Variants in STAG1 observed in about 807,000 individuals in gnomAD.
STAG1 encodes the protein STAG1 cohesin complex component.
STAG1 carries 26 observed loss-of-function variants against 170.9 expected under a neutral mutation model. The ratio of observed to expected loss-of-function variants is 0.15; its 90% CI spans 0.11 to 0.21. The LOEUF (loss-of-function observed/expected upper bound fraction) is 0.21, where lower values mean the gene tolerates loss of function less well. Ranked by LOEUF, STAG1 falls within the 10% of genes least tolerant of loss-of-function variation. STAG1 has a pLI of 1.00. For missense variants in STAG1, 964 were observed against 1,509.5 expected (o/e 0.64, Z 5.99); for synonymous variants, 514 against 497.7 (o/e 1.03, Z -0.44).
chr3:136,486,885 A>G (rs1013027397), intron 9 of STAG1, among the ~76,000 whole-genome samples: 29 of 151,380 alleles, frequency 1.9e-4, no homozygotes, highest in Non-Finnish European at 3.7e-4. Context: ...ACCCATATCT[A>G]CATCTATGCC....
chr3:136,685,605 T>C (rs755120965), intron 1 of STAG1, among the ~76,000 whole-genome samples: 2 of 152,178 alleles, frequency 1.3e-5, no homozygotes, highest in Non-Finnish European at 2.9e-5. Flanking sequence ...TAAACTGTGC[T>C]AAAAGAAATG....
intron 1 of STAG1, among the ~76,000 whole-genome samples, chr3:136,743,034 G>GA (rs1934753578): frequency 1.3e-5 from 2 of 152,064 alleles, no homozygotes; most frequent in Admixed American, 6.5e-5. Context: ...TTGGTTATTT[G>GA]AAAAAATAAC....
chr3:136,613,330 A>AAAAAAAAAAAAAAAAAAAC (rs1939406898), intron 3 of STAG1, among the ~76,000 whole-genome samples: 1 of 150,790 alleles, frequency 6.6e-6, no homozygotes, highest in Non-Finnish European at 1.5e-5. Context: ...AAAAAAAAAA[A>AAAAAAAAAAAAAAAAAAAC]AAAAAGAAAT....
intron 2 of STAG1, among the ~76,000 whole-genome samples, chr3:136,625,324 T>C (rs557043981): frequency 6.6e-6 from 1 of 152,350 alleles, no homozygotes; most frequent in East Asian, 1.9e-4. Context: ...GGAGATTTCA[T>C]CCAGTTAATG....
In STAG1 at chr3:136,630,858, T is replaced by C. The variant is rs200142104; in HGVS notation, c.29+12A>G. On this transcript the variant is annotated intron_variant, in intron 2 of 33. Transcript: ENST00000383202. ...TTAAAAAATATAAAAAAAAGAAAATTACAATACTTACTGTAACACTGGTAA... is the reference window on the plus strand; with the variant it reads ...TTAAAAAATATAAAAAAAAGAAAATCACAATACTTACTGTAACACTGGTAA... 13 of 1,537,154 alleles carry C rather than the reference T, an allele frequency of 8.5e-6. No homozygotes were observed. In the East Asian group the frequency reaches 2.4e-4, roughly 29 times the overall value.
At chr3:136,574,447 T>A (rs1448931980) in intron 4 of STAG1, among the ~76,000 whole-genome samples, 1 of 152,090 alleles carries the variant, frequency 6.6e-6, no homozygotes, top group East Asian at 1.9e-4. Context: ...ATGGTGTATG[T>A]GTGTATATAC....
intron 13 of STAG1, among the ~76,000 whole-genome samples, chr3:136,454,855 A>G (rs1283609868): frequency 6.6e-6 from 1 of 152,220 alleles, no homozygotes; most frequent in Non-Finnish European, 1.5e-5. Flanking sequence ...TGACTAGACT[A>G]CAAGACACTA....
chr3:136,593,725 G>T (rs990815482), intron 4 of STAG1, among the ~76,000 whole-genome samples: 1 of 152,104 alleles, frequency 6.6e-6, no homozygotes, highest in Non-Finnish European at 1.5e-5. Flanking sequence ...TAAATGTTTA[G>T]AATATTATAT....
At chr3:136,545,343 C>T (rs796709372) in intron 5 of STAG1, among the ~76,000 whole-genome samples, 72 of 152,290 alleles carry the variant, frequency 4.7e-4, no homozygotes, top group African/African-American at 1.6e-3. Flanking sequence ...GCTGGGATTA[C>T]AGGCGTGAGC....
chr3:136,637,321 G>A (rs77216396), intron 1 of STAG1, among the ~76,000 whole-genome samples: 1,665 of 152,176 alleles, frequency 0.011, 27 homozygotes, highest in East Asian at 0.046. Context: ...TAAATAAGTA[G>A]GAAACATTAA....
At chr3:136,563,696 A>G (rs1466352386) in intron 5 of STAG1, among the ~76,000 whole-genome samples, 1 of 151,182 alleles carries the variant, frequency 6.6e-6, no homozygotes, top group Non-Finnish European at 1.5e-5. Context: ...TGTAGATATT[A>G]TTCTGCAATT....
At chr3:136,454,207 T>C (rs757202635) in intron 13 of STAG1, among the ~76,000 whole-genome samples, 4 of 152,044 alleles carry the variant, frequency 2.6e-5, no homozygotes, top group Non-Finnish European at 4.4e-5. Context: ...GCCTCCCAAG[T>C]TGCTGGGATT....
At chr3:136,484,251 G>A (rs182233391) in intron 9 of STAG1, among the ~76,000 whole-genome samples, 2 of 152,018 alleles carry the variant, frequency 1.3e-5, no homozygotes, top group African/African-American at 4.8e-5. Flanking sequence ...GTACAGATGG[G>A]TTTTCTGTTA....
At chr3:136,405,443 T>C (rs766138664) in intron 21 of STAG1, among the ~76,000 whole-genome samples, 1 of 151,810 alleles carries the variant, frequency 6.6e-6, no homozygotes, top group Non-Finnish European at 1.5e-5. Context: ...GGTTTCACCA[T>C]GTTGGCCAGG....
At chr3:136,345,986 C>T (rs1936207211) in intron 29 of STAG1, among the ~76,000 whole-genome samples, 2 of 152,198 alleles carry the variant, frequency 1.3e-5, no homozygotes, top group Admixed American at 1.3e-4. Flanking sequence ...AACTTTTATT[C>T]TCTACCACAC....
chr3:136,418,889 C>A (rs1007119925), intron 20 of STAG1, among the ~76,000 whole-genome samples: 2 of 152,082 alleles, frequency 1.3e-5, no homozygotes, highest in African/African-American at 2.4e-5. Context: ...GATCCACCCG[C>A]CATGGTGTCC....
chr3:136,714,227 T>C (rs1326908804), intron 1 of STAG1, among the ~76,000 whole-genome samples: 1 of 152,008 alleles, frequency 6.6e-6, no homozygotes, highest in African/African-American at 2.4e-5. Context: ...ATTTCATCTA[T>C]GTGAAGCTCA....
At chr3:136,368,839 A>C (rs1937182378) in intron 24 of STAG1, among the ~76,000 whole-genome samples, 1 of 152,000 alleles carries the variant, frequency 6.6e-6, no homozygotes, top group East Asian at 1.9e-4. Context: ...TATTACTATT[A>C]ACTTTTTTTT....
At chr3:136,469,621 T>G (rs1236999387) in intron 12 of STAG1, among the ~76,000 whole-genome samples, 4 of 152,162 alleles carry the variant, frequency 2.6e-5, no homozygotes, top group Admixed American at 6.6e-5. Context: ...CTTCACAGAA[T>G]TGGAAAAAAC....
Sources: gnomAD v4.1 joint callset for allele counts (sites outside exome capture counted in the v4.1 genomes callset) on GRCh38, gnomAD v4.1.1 for gene constraint, MANE v1.5 for transcripts, NCBI Gene and HGNC (gene_info 2026-07-23, HGNC 2026-07-21) for gene names.